The following NDUFS8 variants were observed in gnomAD, a reference collection of about 807,000 sequenced individuals.
The protein encoded by NDUFS8 is NADH:ubiquinone oxidoreductase core subunit S8, also known as NADH dehydrogenase [ubiquinone] iron-sulfur protein 8, mitochondrial.
NDUFS8 carries 13 observed loss-of-function variants against 25.6 expected under a neutral mutation model. That is an observed-to-expected ratio of 0.51 (90% CI 0.33 to 0.81). The LOEUF (loss-of-function observed/expected upper bound fraction) is 0.81, where lower values mean the gene tolerates loss of function less well. Ranked by LOEUF, NDUFS8 falls within the 30% of genes least tolerant of loss-of-function variation. The probability of loss-of-function intolerance (pLI) is 0.02; values close to 1 mark genes in which losing one functional copy is unlikely to be tolerated. For missense variants in NDUFS8, 257 were observed against 300.9 expected (o/e 0.85, Z 1.08); for synonymous variants, 119 against 119.4 (o/e 1.00, Z 0.02).
chr11:68,034,821 A>T (rs1854850779), intron 5 of NDUFS8: 1 of 151,878 alleles, frequency 6.6e-6, no homozygotes, highest in Non-Finnish European at 1.5e-5. Context: ...CTGTAATCCC[A>T]GCACTTTGGG....
At chr11:68,032,506 G>C in intron 3 of NDUFS8, 170 bp downstream of exon 3, 1 of 1,518,160 alleles carries the variant, frequency 6.6e-7, no homozygotes, top group Non-Finnish European at 8.8e-7. Flanking sequence ...CACAGGGGCA[G>C]GGTCCATCAT....
At chr11:68,030,884 C>A (rs1540204) in intron 1 of NDUFS8, 151 bp downstream of exon 1, 1 of 446,756 alleles carries the variant, frequency 2.2e-6, no homozygotes, top group East Asian at 7.5e-5. Context: ...TCAGGTGCAG[C>A]GGGGAGCCGG....
chr11:68,033,088 C>T (rs746419743), intron 4 of NDUFS8, 23 bp from the exon 5 acceptor site: 2 of 1,613,018 alleles, frequency 1.2e-6, no homozygotes, highest in South Asian at 1.1e-5. Flanking sequence ...TGCCCCTGCC[C>T]ACCACACCCG....
In NDUFS8 at chr11:68,033,016, C is replaced by T. The variant is rs573352128; in HGVS notation, c.199+4C>T. 16 of 1,613,690 alleles carry T rather than the reference C, an allele frequency of 9.9e-6. No homozygotes were observed. The highest frequency in any genetic ancestry group is 8.8e-5 in the South Asian group (8 of 91,086). ...CTGTGGACTGAGCTCTTCCGAGGTG[C>T]GTCCTGGGCATGAGGGGACAGGGAA... is the stretch of plus-strand genomic sequence containing the variant. On this transcript the variant is annotated splice_donor_region_variant and intron_variant, in intron 4 of 6. Transcript: ENST00000313468.
intron 5 of NDUFS8, chr11:68,033,683 G>A (rs933128398): frequency 2.0e-4 from 63 of 312,680 alleles, no homozygotes; most frequent in African/African-American, 1.1e-3. Context: ...CCTGAGGCCC[G>A]GCTTTCCGTT....
At chr11:68,035,942 C>T (rs1236133560) in intron 5 of NDUFS8, 41 of 379,784 alleles carry the variant, frequency 1.1e-4, no homozygotes, top group South Asian at 7.3e-4. Context: ...TCACTTGAAC[C>T]GGGAAGGCCG....
intron 3 of NDUFS8, 132 bp from the exon 4 acceptor site, chr11:68,032,791 G>A: frequency 2.1e-6 from 2 of 944,320 alleles, no homozygotes; most frequent in Non-Finnish European, 3.3e-6. Context: ...GGGGAGAGGT[G>A]TGGTGAGTGT....
Position 68,030,753 on chromosome 11 carries a change from C to T in NDUFS8, c.-1+20C>T. ...TTCAAGGTGGGTGTTCACGTTTTGG[C>T]CGTGAAAGTCGGGCTTGGGCAGCGT... On this transcript the variant is annotated intron_variant, in intron 1 of 6. Transcript: ENST00000313468. 2.9e-6 allele frequency: 1 copy of T among 340,540 alleles called. No individual in the cohort carries two copies. Among genetic ancestry groups the T allele is most frequent in the South Asian group, 2.1e-5 (1 of 48,558 alleles). 21.1% of individuals were successfully genotyped at this position (340,540 alleles called of 1,614,324 possible).
In NDUFS8 at chr11:68,033,134, C is replaced by T. The variant is rs141180672; in HGVS notation, c.223C>T (p.Leu75=). ...AGGCCTGGGCATGACCCTGAGCTAC[C>T]TGTTCCGGGAACCGGCCACCATCAA... The part of the protein sequence containing the change: ...FRGLGMTLSY[L]FREPATINYP... Residue 75 remains leucine, a synonymous_variant, in exon 5 of 7, where the codon CTG becomes TTG. Transcript: ENST00000313468. 6.2e-6 allele frequency: 10 copies of T among 1,612,970 alleles called. No individual in the cohort carries two copies. Among genetic ancestry groups the T allele is most frequent in the African/African-American group, 5.3e-5 (4 of 75,040 alleles).
chr11:68,032,149 CAGATGCG>C lies in NDUFS8; in HGVS notation c.1-2_5del. 6.2e-7 allele frequency: 1 copy of C among 1,612,250 alleles called. No individual in the cohort carries two copies. The highest frequency in any genetic ancestry group is 8.5e-7 in the Non-Finnish European group (1 of 1,179,976). On this transcript the variant is annotated splice_acceptor_variant and coding_sequence_variant and 5_prime_UTR_variant, in exon 2 of 7. Transcript: ENST00000313468. LOFTEE classifies it high-confidence loss of function. ...CACCCTCCATCCCTTTTTATGCCAC[CAGATGCG>C]CTGCCTGACCACGCCTATGCTGCTG...
Position 68,033,220 on chromosome 11 carries a change from G to A in NDUFS8, c.309G>A (p.Arg103=). 6.2e-7 allele frequency: 1 copy of A among 1,611,928 alleles called. No individual in the cohort carries two copies. The change falls in exon 5 of 7, where the codon CGG becomes CGA. Residue 103 remains arginine, a synonymous_variant. Transcript: ENST00000313468. ...TCCGTGGGGAGCATGCGCTGCGCCG[G>A]TACCCATCCGGGGAGGAGCGTTGCA... ...PRFRGEHALR[R]YPSGEERCIA...
At position 68,036,017 on chromosome 11, in the gene NDUFS8, C is replaced by CA. The variant is rs56359843; in HGVS notation, c.373-211dup. On this transcript the variant is annotated intron_variant, in intron 5 of 6. Coordinates refer to ENST00000313468, the MANE Select transcript of NDUFS8 (RefSeq NM_002496.4). The stretch of plus-strand genomic sequence containing the variant: ...CTGGCGACAGAGCGAGACTCTATCT[C>CA]AAAAAAAAAAAAAAAAAAAAAAAAA... 13,443 of 363,848 alleles carry CA rather than the reference C, an allele frequency of 0.037. 312 individuals carry two copies. Among genetic ancestry groups the CA allele is most frequent in the African/African-American group, 0.11 (3,314 of 31,054 alleles). 22.5% of individuals were successfully genotyped at this position (363,848 alleles called of 1,614,324 possible). A position where few individuals can be genotyped will look rare whatever the true frequency, so the allele number is the denominator to read the frequency against.
At chr11:68,032,490 C>G in intron 3 of NDUFS8, 154 bp downstream of exon 3, 2 of 1,528,172 alleles carry the variant, frequency 1.3e-6, no homozygotes, top group South Asian at 2.4e-5. Context: ...GAGACTGACT[C>G]TGATTCACAG....
intron 5 of NDUFS8, chr11:68,034,802 G>T (rs1462203643): frequency 6.6e-6 from 1 of 151,626 alleles, no homozygotes; most frequent in Admixed American, 6.6e-5. Flanking sequence ...CGGTTGCGGT[G>T]GCTCACGCCT....
At position 68,033,595 on chromosome 11, in the gene NDUFS8, G is replaced by A. The variant is rs377747710; in HGVS notation, c.372+312G>A. On this transcript the variant is annotated intron_variant, in intron 5 of 6. Coordinates refer to ENST00000313468, the MANE Select transcript of NDUFS8 (RefSeq NM_002496.4). Reference sequence around the variant, plus strand: ...TGGGGTGACACCTGAGGCCATCCACGCCTCCCTGGATGTAGCCACCGTTTC... The same window carrying A: ...TGGGGTGACACCTGAGGCCATCCACACCTCCCTGGATGTAGCCACCGTTTC... The A allele has an allele frequency of 1.6e-4, 75 of 458,110 alleles. 2 individuals carry two copies. Among genetic ancestry groups the A allele is most frequent in the South Asian group, 1.6e-3 (68 of 41,756 alleles). The allele number at this position is 458,110 out of a possible 1,614,324, so 28.4% of individuals were successfully genotyped here.
rs1448803935 is a variant in NDUFS8, at chr11:68,031,272, G to C, written c.-1+539G>C. ...TGGTACCGAGGACTGTTCAGGCCTT[G>C]AAGAGTTTCCAGCAGGGCAGGGCTG... On this transcript the variant is annotated intron_variant, in intron 1 of 6. Transcript: ENST00000313468. 1.8e-5 allele frequency: 3 copies of C among 164,112 alleles called. No individual in the cohort carries two copies. In the South Asian group the frequency reaches 3.7e-4, roughly 20 times the overall value. The allele number at this position is 164,112 out of a possible 1,614,324, so 10.2% of individuals were successfully genotyped here. A position where few individuals can be genotyped will look rare whatever the true frequency, so the allele number is the denominator to read the frequency against.
intron 5 of NDUFS8, chr11:68,033,600 C>T: frequency 2.3e-6 from 1 of 442,982 alleles, no homozygotes; most frequent in Non-Finnish European, 4.2e-6. Context: ...TCCACGCCTC[C>T]CTGGATGTAG....
At position 68,032,169 on chromosome 11, in the gene NDUFS8, G is replaced by A. The variant is rs201727877; in HGVS notation, c.18G>A (p.Thr6=). 23 of 1,612,654 alleles carry A rather than the reference G, an allele frequency of 1.4e-5. No individual in the cohort carries two copies. The highest frequency in any genetic ancestry group is 1.3e-4 in the East Asian group (6 of 44,878). Residue 6 remains threonine, a synonymous_variant, in exon 2 of 7, where the codon ACG becomes ACA. Transcript: ENST00000313468. ...GCCACCAGATGCGCTGCCTGACCAC[G>A]CCTATGCTGCTGCGGGCCCTGGCCC... MRCLT[T]PMLLRALAQA... is the part of the protein sequence containing the mutation.
At chr11:68,031,254 G>C in intron 1 of NDUFS8, 1 of 183,586 alleles carries the variant, frequency 5.4e-6, no homozygotes, top group South Asian at 7.3e-5. Context: ...ATGTGGTACC[G>C]AGGACTGTTC....
Sources: allele counts gnomAD v4.1 joint callset, GRCh38; gene constraint gnomAD v4.1.1; transcripts MANE v1.5; gene names NCBI Gene and HGNC (gene_info 2026-07-23, HGNC 2026-07-21).